FRMD4A: variants seen among roughly 807,000 people sequenced by gnomAD.
FRMD4A encodes FERM domain containing 4A.
A neutral mutation model predicts 129.1 loss-of-function variants in FRMD4A; 29 were observed. The ratio of observed to expected loss-of-function variants is 0.22; its 90% confidence interval spans 0.17 to 0.31. The LOEUF (loss-of-function observed/expected upper bound fraction) is 0.31, where lower values mean the gene tolerates loss of function less well. Ranked by LOEUF, FRMD4A falls within the 10% of genes least tolerant of loss-of-function variation. FRMD4A has a pLI of 1.00. For synonymous variants in FRMD4A, 634 were observed against 571.6 expected, an observed-to-expected ratio of 1.11 and a Z score of -1.56; for missense variants, 1,272 against 1,375.8, an observed-to-expected ratio of 0.92 and a Z score of 1.19.
intron 12 of FRMD4A, among the ~76,000 whole-genome samples, chr10:13,725,311 A>G (rs558111706): frequency 1.3e-5 from 2 of 152,206 alleles, no homozygotes; most frequent in Non-Finnish European, 2.9e-5. Context: ...CAGCACCCCA[A>G]GGGTATGTCA....
chr10:14,220,801 TG>T (rs1179175915), intron 2 of FRMD4A, among the ~76,000 whole-genome samples: 12 of 50,548 alleles, frequency 2.4e-4, no homozygotes, highest in Non-Finnish European at 4.3e-4. Context: ...TGTGTGTGTG[TG>T]TGTGTGTGTT....
intron 2 of FRMD4A, among the ~76,000 whole-genome samples, chr10:14,201,445 A>G (rs996333577): frequency 3.9e-5 from 6 of 152,212 alleles, no homozygotes; most frequent in African/African-American, 1.4e-4. Context: ...AAAGAGAACT[A>G]CTAAGTATTG....
At chr10:13,648,532 T>C (rs1564501841) in intron 24 of FRMD4A, 1 of 152,142 alleles carries the variant, frequency 6.6e-6, no homozygotes, top group Non-Finnish European at 1.5e-5. Context: ...GCCGGGCCAA[T>C]GAGAGTCCCC....
intron 2 of FRMD4A, chr10:14,074,603 T>A (rs569727606): frequency 1.3e-5 from 2 of 152,178 alleles, no homozygotes; most frequent in Non-Finnish European, 2.9e-5. Context: ...AAGCATTTCA[T>A]CTGGCAGGGC....
rs1490587452 is a variant in FRMD4A, at chr10:13,655,788, TATG to T, written c.2953+845_2953+847del. ...TTATTCTTACCTCTCATTTTATTCT[TATG>T]ATGTTTACCATTTCTCTTCTCCTCA... On this transcript the variant is annotated intron_variant, in intron 22 of 24. Transcript: ENST00000357447. 8.5e-5 allele frequency: 13 copies of T among 152,348 alleles called. No homozygotes were observed. In the East Asian group the frequency reaches 1.7e-3, roughly 20 times the overall value. 9.4% of individuals were successfully genotyped at this position (152,348 alleles called of 1,614,324 possible). A position where few individuals can be genotyped will look rare whatever the true frequency, so the allele number is the denominator to read the frequency against.
chr10:13,944,817 T>G (rs1303071960), intron 2 of FRMD4A, among the ~76,000 whole-genome samples: 1 of 152,260 alleles, frequency 6.6e-6, no homozygotes, highest in Non-Finnish European at 1.5e-5. Flanking sequence ...CTTCTCTGTC[T>G]GTGCACACAG....
At chr10:14,325,791 G>A (rs893237866) in intron 2 of FRMD4A, among the ~76,000 whole-genome samples, 3 of 152,156 alleles carry the variant, frequency 2.0e-5, no homozygotes, top group Non-Finnish European at 2.9e-5. Context: ...AAATGGCTTA[G>A]AAAAGAATTT....
chr10:14,167,982 A>G (rs987613484), intron 2 of FRMD4A, among the ~76,000 whole-genome samples: 4 of 152,220 alleles, frequency 2.6e-5, no homozygotes, highest in African/African-American at 9.6e-5. Context: ...GCACAAATGC[A>G]TGGTTCTTGG....
chr10:14,285,798 G>A (rs539139179), intron 2 of FRMD4A, among the ~76,000 whole-genome samples: 12 of 152,254 alleles, frequency 7.9e-5, no homozygotes, highest in Admixed American at 2.6e-4. Context: ...CTCATGATCC[G>A]ACGTCAGGGA....
intron 2 of FRMD4A, among the ~76,000 whole-genome samples, chr10:13,958,600 C>CTTTCT (rs1554988137): frequency 2.2e-5 from 3 of 134,230 alleles, no homozygotes; most frequent in Non-Finnish European, 4.7e-5. Context: ...TTCTTTCTTT[C>CTTTCT]TTTTTTTTTT....
chr10:14,110,795 GTTAT>G (rs1169525407), intron 2 of FRMD4A, among the ~76,000 whole-genome samples: 2 of 151,850 alleles, frequency 1.3e-5, no homozygotes, highest in African/African-American at 2.4e-5. Context: ...CTTTTTAATG[GTTAT>G]TTAAATTTTT....
chr10:14,055,161 A>G (rs1834448224), intron 2 of FRMD4A, among the ~76,000 whole-genome samples: 1 of 151,926 alleles, frequency 6.6e-6, no homozygotes, highest in Admixed American at 6.6e-5. Context: ...TATACTCTGG[A>G]CCTCTGTCCC....
chr10:13,706,312 C>G (rs1174634843), intron 13 of FRMD4A, among the ~76,000 whole-genome samples: 2 of 151,878 alleles, frequency 1.3e-5, no homozygotes, highest in Non-Finnish European at 2.9e-5. Flanking sequence ...AACTTTAGGT[C>G]CAGCGGCAGA....
chr10:14,133,683 C>T (rs572186681), intron 2 of FRMD4A, among the ~76,000 whole-genome samples: 1 of 152,218 alleles, frequency 6.6e-6, no homozygotes, highest in Non-Finnish European at 1.5e-5. Flanking sequence ...CTCCCATGTG[C>T]TATATCCTGT....
At chr10:14,065,565 C>T (rs1835017656) in intron 2 of FRMD4A, among the ~76,000 whole-genome samples, 3 of 152,206 alleles carry the variant, frequency 2.0e-5, no homozygotes, top group Admixed American at 2.0e-4. Context: ...TCCAATTCCC[C>T]ACTGAAATAT....
At chr10:14,061,993 C>T (rs988791855) in intron 2 of FRMD4A, among the ~76,000 whole-genome samples, 1 of 151,278 alleles carries the variant, frequency 6.6e-6, no homozygotes, top group African/African-American at 2.5e-5. Flanking sequence ...TAAAGGAATT[C>T]TGACAAAATA....
intron 4 of FRMD4A, among the ~76,000 whole-genome samples, chr10:13,803,081 A>C (rs1210369063): frequency 6.7e-6 from 1 of 150,202 alleles, no homozygotes; most frequent in Non-Finnish European, 1.5e-5. Flanking sequence ...CCTGGGAGAC[A>C]GAGTTTGCAG....
intron 2 of FRMD4A, among the ~76,000 whole-genome samples, chr10:14,301,870 G>A (rs1043020048): frequency 6.6e-6 from 1 of 152,088 alleles, no homozygotes; most frequent in Non-Finnish European, 1.5e-5. Flanking sequence ...CTGAAGAGTA[G>A]GCTGTATAAC....
intron 2 of FRMD4A, among the ~76,000 whole-genome samples, chr10:14,256,285 A>C (rs910027826): frequency 1.3e-5 from 2 of 152,154 alleles, no homozygotes; most frequent in Non-Finnish European, 2.9e-5. Context: ...AAGATATAAA[A>C]GACTTACAAA....
Sources: gnomAD v4.1 joint callset for allele counts (sites outside exome capture counted in the v4.1 genomes callset) on GRCh38, gnomAD v4.1.1 for gene constraint, MANE v1.5 for transcripts, NCBI Gene and HGNC (gene_info 2026-07-23, HGNC 2026-07-21) for gene names.